The following NUP214 variants were observed in gnomAD, a reference collection of about 807,000 sequenced individuals.
NUP214 encodes the protein nucleoporin 214.
In NUP214, 79 loss-of-function variants were observed where a neutral mutation model predicts 196.2. The observed-to-expected ratio is 0.40, with a 90% confidence interval of 0.34 to 0.49. NUP214 has a LOEUF of 0.49. Ranked by LOEUF, NUP214 falls within the 20% of genes least tolerant of loss-of-function variation. The probability of loss-of-function intolerance (pLI) is 0.58; values close to 1 mark genes in which losing one functional copy is unlikely to be tolerated. For synonymous variants in NUP214, 1,020 were observed against 990.5 expected, an observed-to-expected ratio of 1.03 and a Z score of -0.56; for missense variants, 2,468 against 2,539.0, an observed-to-expected ratio of 0.97 and a Z score of 0.60.
At chr9:131,213,751 C>CTGT (rs55661030) in intron 30 of NUP214, among the ~76,000 whole-genome samples, 35,489 of 147,444 alleles carry the variant, frequency 0.24, 4,587 homozygotes, top group East Asian at 0.45. Flanking sequence ...TGAATTGGTA[C>CTGT]TGTTGTTGTT....
chr9:131,136,530 G>A (rs1212137754), intron 9 of NUP214: 1 of 152,670 alleles, frequency 6.6e-6, no homozygotes, highest in Non-Finnish European at 1.5e-5. Context: ...TGCCTGATGT[G>A]TAGGCGGCTT....
At chr9:131,188,012 G>A (rs73658938) in intron 25 of NUP214, among the ~76,000 whole-genome samples, 131 of 152,350 alleles carry the variant, frequency 8.6e-4, no homozygotes, top group African/African-American at 3.1e-3. Flanking sequence ...TGTACAGTGG[G>A]AGGATAGGTG....
chr9:131,130,922 T>A lies in NUP214; in HGVS notation c.663+86T>A, dbSNP rs188949313. On this transcript the variant is annotated intron_variant, in intron 5 of 35. Coordinates refer to ENST00000359428, the MANE Select transcript of NUP214 (RefSeq NM_005085.4). ...TTGGGAGTATCTTTCTTGTTTTTCCTATTAAAAAGTAATTTATACTCATTG... is the reference window on the plus strand; with the variant it reads ...TTGGGAGTATCTTTCTTGTTTTTCCAATTAAAAAGTAATTTATACTCATTG... 1.6e-5 allele frequency: 16 copies of A among 1,004,286 alleles called. No homozygotes were observed. In the East Asian group the frequency reaches 3.3e-4, roughly 20 times the overall value. 62.2% of individuals were successfully genotyped at this position (1,004,286 alleles called of 1,614,324 possible).
At position 131,132,119 on chromosome 9, in the gene NUP214, C is replaced by CTTTTT. The variant is rs71389396; in HGVS notation, c.664-465_664-461dup. Among the ~76,000 whole-genome samples the CTTTTT allele has an allele frequency of 7.5e-4, 86 of 114,630 alleles. 2 individuals carry two copies. The highest frequency in any genetic ancestry group is 3.0e-3 in the African/African-American group (82 of 27,692). The allele number at this position is 114,630 out of a possible 152,430, so 75.2% of individuals were successfully genotyped here. On this transcript the variant is annotated intron_variant, in intron 5 of 35. Transcript: ENST00000359428. ...TTCATGCGTTTCTTTTCTTTTCTTT[C>CTTTTT]TTTTTTTTTTTTTTTTGGAGACCAA...
At position 131,144,622 on chromosome 9, in the gene NUP214, T is replaced by A. The variant is rs1463267310; in HGVS notation, c.1637T>A (p.Phe546Tyr). The A allele has an allele frequency of 1.9e-6, 3 of 1,614,004 alleles. No individual in the cohort carries two copies. Among genetic ancestry groups the A allele is most frequent in the Non-Finnish European group, 2.5e-6 (3 of 1,180,028 alleles). ...CCTGTGGCTCCATCAGCTGCTTCATTCTCCTTTGGATCATCTGGTTTTAAG... is the reference window on the plus strand; with the variant it reads ...CCTGTGGCTCCATCAGCTGCTTCATACTCCTTTGGATCATCTGGTTTTAAG... ...ASPVAPSAAS[F>Y]SFGSSGFKPT... Residue 546 changes from phenylalanine to tyrosine, a missense_variant, in exon 12 of 36, where the codon TTC becomes TAC. Coordinates refer to ENST00000359428, the MANE Select transcript of NUP214 (RefSeq NM_005085.4).
chr9:131,192,936 G>A (rs755291017), intron 27 of NUP214, among the ~76,000 whole-genome samples: 39 of 79,250 alleles, frequency 4.9e-4, no homozygotes, highest in African/African-American at 1.9e-3. Context: ...GTGAAACCCC[G>A]TCTCCAAAAA....
chr9:131,143,628 GAGTT>G (rs61112943), intron 11 of NUP214, among the ~76,000 whole-genome samples: 33,808 of 151,798 alleles, frequency 0.22, 3,872 homozygotes, highest in East Asian at 0.41. Context: ...TTCTTTATGT[GAGTT>G]AGTTTCCCTG....
intron 21 of NUP214, among the ~76,000 whole-genome samples, chr9:131,165,011 T>C (rs969514588): frequency 1.3e-5 from 2 of 152,248 alleles, no homozygotes; most frequent in African/African-American, 4.8e-5. Context: ...TGTACTCACA[T>C]AGAGCTAAAT....
Position 131,150,622 on chromosome 9 carries a change from C to G in NUP214, c.2134C>G (p.His712Asp). The G allele has an allele frequency of 6.2e-7, 1 of 1,611,658 alleles. No homozygotes were observed. The highest frequency in any genetic ancestry group is 1.1e-5 in the South Asian group (1 of 90,704). ...VMAGIGEEIA[H>D]FQKELEELKA... ...TCACTTGTGGCTTCTACAGATTGCA[C>G]ACTTTCAGAAGGAGTTGGAAGAGTT... Residue 712 changes from histidine to aspartate, a missense_variant, in exon 16 of 36, where the codon CAC (histidine) becomes GAC (aspartate). By Grantham distance (81) the His-to-Asp change is moderately conservative. This residue lies in a region of NUP214 where 1,801 missense variants were observed against 1,779.4 expected (regional missense o/e 1.01). Transcript: ENST00000359428.
chr9:131,159,571 T>C lies in NUP214; in HGVS notation c.2540+85T>C. 2.5e-6 allele frequency: 3 copies of C among 1,204,082 alleles called. No homozygotes were observed. In the South Asian group the frequency reaches 3.9e-5, roughly 16 times the overall value. 74.6% of individuals were successfully genotyped at this position (1,204,082 alleles called of 1,614,324 possible). A position where few individuals can be genotyped will look rare whatever the true frequency, so the allele number is the denominator to read the frequency against. ...AAGGTTATTTAGGAACATATGAAAA[T>C]CCCAGGCCGGGTGCGGTGGCTCACG... On this transcript the variant is annotated intron_variant, in intron 18 of 35. Transcript: ENST00000359428.
Position 131,161,406 on chromosome 9 carries a change from G to A in NUP214, c.2541-1585G>A, listed in dbSNP as rs192974787. ...CTTGAGTAGCTGGGATTACAGGTGC[G>A]TGCCACCACACCTGGCTAATTTTTG... On this transcript the variant is annotated intron_variant, in intron 18 of 35. Transcript: ENST00000359428. 1.5e-4 allele frequency among the ~76,000 whole-genome samples: 23 copies of A among 151,980 alleles called. 1 individual carries two copies. In the East Asian group the frequency reaches 3.9e-3, roughly 26 times the overall value.
intron 18 of NUP214, 102 bp downstream of exon 18, chr9:131,159,588 T>G: frequency 1.0e-6 from 1 of 971,668 alleles, no homozygotes; most frequent in Non-Finnish European, 1.6e-6. Flanking sequence ...CCGGGTGCGG[T>G]GGCTCACGCC....
At chr9:131,148,486 G>A (rs1026950571) in intron 14 of NUP214, among the ~76,000 whole-genome samples, 2 of 152,252 alleles carry the variant, frequency 1.3e-5, no homozygotes, top group African/African-American at 2.4e-5. Context: ...CTATGAGTGA[G>A]ATTGCTGGGT....
intron 32 of NUP214, among the ~76,000 whole-genome samples, chr9:131,226,193 T>G (rs879715269): frequency 1.3e-5 from 2 of 152,162 alleles, no homozygotes; most frequent in Non-Finnish European, 2.9e-5. Flanking sequence ...AGAAAACTGC[T>G]GTGAAGCACC....
At chr9:131,218,240 G>A (rs1199496431) in intron 31 of NUP214, among the ~76,000 whole-genome samples, 1 of 152,094 alleles carries the variant, frequency 6.6e-6, no homozygotes, top group African/African-American at 2.4e-5. Context: ...AATAGTTTTT[G>A]GGGTACTAGG....
rs757267525 is a variant in NUP214 at position 131,197,764 on chromosome 9, G to A, written c.4270G>A (p.Val1424Ile). 6.2e-7 allele frequency: 1 copy of A among 1,614,154 alleles called. No individual in the cohort carries two copies. The highest frequency in any genetic ancestry group is 8.5e-7 in the Non-Finnish European group (1 of 1,180,036). Residue 1424 changes from valine to isoleucine, a missense_variant, in exon 29 of 36, where the codon GTC (valine) becomes ATC (isoleucine). This residue lies in a region of NUP214 where 1,801 missense variants were observed against 1,779.4 expected (regional missense o/e 1.01). Transcript: ENST00000359428. ...AGTCACCAGTGCAGGATCCTCTGGG[G>A]TCATCAGTTTTGGTGGGACATCTCT... is the stretch of plus-strand genomic sequence containing the variant. Reference protein sequence around the residue: ...LPVTSAGSSGVISFGGTSLSA... With the variant: ...LPVTSAGSSGIISFGGTSLSA...
In NUP214 at chr9:131,228,317, C is replaced by A; in HGVS notation, c.6060C>A (p.Ser2020Arg). The A allele has an allele frequency of 6.3e-7, 1 of 1,589,246 alleles. No individual in the cohort carries two copies. The highest frequency in any genetic ancestry group is 8.5e-7 in the Non-Finnish European group (1 of 1,171,344). Reference protein sequence around the residue: ...KVFGEGTAAASAGGFGFGSSS... With the variant: ...KVFGEGTAAARAGGFGFGSSS... ...TCGGAGAGGGCACTGCAGCTGCCAG[C>A]GCAGGAGGATTCGGGTAAGCCCCCT... The change falls in exon 33 of 36, where the codon AGC becomes AGA. Residue 2020 changes from serine to arginine, a missense_variant. Around this residue, in one of 5 missense-constraint regions of NUP214, gnomAD observed 262 missense variants for 296.5 expected, o/e 0.88. Coordinates refer to ENST00000359428, the MANE Select transcript of NUP214 (RefSeq NM_005085.4).
intron 21 of NUP214, among the ~76,000 whole-genome samples, chr9:131,169,309 C>T (rs1588144070): frequency 6.6e-6 from 1 of 152,196 alleles, no homozygotes; most frequent in East Asian, 1.9e-4. Context: ...GCTCGGATTA[C>T]AGGTGTGAGC....
chr9:131,157,949 A>AT (rs1832509332), intron 17 of NUP214, among the ~76,000 whole-genome samples: 1 of 151,858 alleles, frequency 6.6e-6, no homozygotes, highest in African/African-American at 2.4e-5. Flanking sequence ...CCCAGCTCTA[A>AT]TTTTTGTATT....
Sources: gnomAD v4.1 joint callset for allele counts (sites outside exome capture counted in the v4.1 genomes callset) on GRCh38, gnomAD v4.1.1 for gene constraint, gnomAD v4.1.1 regional missense constraint, MANE v1.5 for transcripts, NCBI Gene and HGNC (gene_info 2026-07-23, HGNC 2026-07-21) for gene names.